AKAP19: variants seen among roughly 807,000 people sequenced by gnomAD.
AKAP19 encodes small A-kinase anchoring protein.
At chr2:190,085,706 A>G in the AKAP19 span, among the ~76,000 whole-genome samples, 5 of 152,228 alleles carry the variant, frequency 3.3e-5, no homozygotes, top group Admixed American at 2.0e-4. Context: ...GAAATTGGTA[A>G]TGACCTCACT....
At chr2:189,979,234 G>A in the AKAP19 span, among the ~76,000 whole-genome samples, 1 of 151,936 alleles carries the variant, frequency 6.6e-6, no homozygotes, top group Non-Finnish European at 1.5e-5. Context: ...AAAAATAGAT[G>A]CATGTATTAA....
the AKAP19 span, among the ~76,000 whole-genome samples, chr2:189,976,640 T>C: frequency 1.6e-4 from 25 of 152,242 alleles, 1 homozygote; most frequent in Admixed American, 9.8e-4. Context: ...TCGAGCTTCC[T>C]GGCTGCTTTG....
At chr2:189,925,207 T>C in the AKAP19 span, among the ~76,000 whole-genome samples, 2 of 152,194 alleles carry the variant, frequency 1.3e-5, no homozygotes, top group East Asian at 1.9e-4. Flanking sequence ...TAGGAACATC[T>C]AACAATGTTG....
At chr2:189,976,749 G>T in the AKAP19 span, among the ~76,000 whole-genome samples, 2 of 152,200 alleles carry the variant, frequency 1.3e-5, no homozygotes, top group African/African-American at 4.8e-5. Flanking sequence ...AATTAGTGAG[G>T]CTCTGTGGGC....
chr2:190,037,961 G>C, the AKAP19 span, among the ~76,000 whole-genome samples: 1 of 152,132 alleles, frequency 6.6e-6, no homozygotes, highest in Non-Finnish European at 1.5e-5. Flanking sequence ...AGTATGTAAA[G>C]TGTCCCTCCA....
At chr2:189,955,452 A>G in the AKAP19 span, among the ~76,000 whole-genome samples, 1 of 152,146 alleles carries the variant, frequency 6.6e-6, no homozygotes, top group Admixed American at 6.5e-5. Flanking sequence ...TTTTGATACA[A>G]TGATGTCTTT....
the AKAP19 span, among the ~76,000 whole-genome samples, chr2:190,165,846 G>C: frequency 1.3e-5 from 2 of 152,050 alleles, no homozygotes; most frequent in Non-Finnish European, 2.9e-5. Flanking sequence ...TAAAACTTTA[G>C]AGCACCAAAT....
chr2:189,973,416 G>A, the AKAP19 span, among the ~76,000 whole-genome samples: 3 of 152,296 alleles, frequency 2.0e-5, no homozygotes, highest in African/African-American at 7.2e-5. Flanking sequence ...TTGCATCTAT[G>A]TTCATCAGGG....
At chr2:189,996,781 G>C in the AKAP19 span, among the ~76,000 whole-genome samples, 5 of 152,314 alleles carry the variant, frequency 3.3e-5, no homozygotes, top group Non-Finnish European at 7.4e-5. Flanking sequence ...TGTCCCACAG[G>C]GTGATCCCTT....
the AKAP19 span, among the ~76,000 whole-genome samples, chr2:189,920,519 A>T: frequency 1.3e-5 from 2 of 152,228 alleles, no homozygotes; most frequent in African/African-American, 4.8e-5. Context: ...CCTAGCTAAA[A>T]TGTAGTGTTC....
the AKAP19 span, chr2:190,060,279 A>G: frequency 1.2e-6 from 2 of 1,612,986 alleles, no homozygotes; most frequent in African/African-American, 2.7e-5. Context: ...CATAGGTTTG[A>G]TGAGTCTCAG....
the AKAP19 span, among the ~76,000 whole-genome samples, chr2:189,922,930 G>A: frequency 6.6e-6 from 1 of 152,034 alleles, no homozygotes; most frequent in South Asian, 2.1e-4. Flanking sequence ...CGGATGGATT[G>A]CCTGAGCTCA....
the AKAP19 span, among the ~76,000 whole-genome samples, chr2:190,019,375 C>G: frequency 6.6e-6 from 1 of 152,018 alleles, no homozygotes; most frequent in East Asian, 1.9e-4. Flanking sequence ...TGGAGGGTGT[C>G]TTTCTCTCTG....
the AKAP19 span, among the ~76,000 whole-genome samples, chr2:189,889,801 TA>T: frequency 6.6e-6 from 1 of 152,234 alleles, no homozygotes; most frequent in Non-Finnish European, 1.5e-5. Flanking sequence ...GTATTGTGTC[TA>T]TTTGATTCTT....
chr2:190,048,453 C>T, the AKAP19 span, among the ~76,000 whole-genome samples: 1 of 152,168 alleles, frequency 6.6e-6, no homozygotes, highest in Non-Finnish European at 1.5e-5. Flanking sequence ...AATCACTACT[C>T]AATGTTACTT....
chr2:189,983,673 A>G, the AKAP19 span, among the ~76,000 whole-genome samples: 1 of 152,196 alleles, frequency 6.6e-6, no homozygotes, highest in Admixed American at 6.5e-5. Flanking sequence ...TGGGTGGCCC[A>G]TCCTGAGGGT....
At chr2:189,955,345 A>T in the AKAP19 span, among the ~76,000 whole-genome samples, 2 of 152,024 alleles carry the variant, frequency 1.3e-5, no homozygotes, top group Non-Finnish European at 2.9e-5. Flanking sequence ...TGTATACCAT[A>T]CTTTTAAAAT....
the AKAP19 span, among the ~76,000 whole-genome samples, chr2:190,171,926 C>T: frequency 2.0e-4 from 30 of 152,162 alleles, no homozygotes; most frequent in Non-Finnish European, 3.7e-4. Flanking sequence ...CCCACATGTT[C>T]AGAGTTGCCA....
At chr2:190,099,888 G>A in the AKAP19 span, among the ~76,000 whole-genome samples, 2 of 152,122 alleles carry the variant, frequency 1.3e-5, no homozygotes, top group Non-Finnish European at 2.9e-5. Context: ...ACTTCTTTAG[G>A]TATGAAGCTG....
Sources: allele counts gnomAD v4.1 joint callset (sites outside exome capture counted in the v4.1 genomes callset), GRCh38; gene constraint gnomAD v4.1.1; transcripts MANE v1.5; gene names NCBI Gene and HGNC (gene_info 2026-07-23, HGNC 2026-07-21).